MICAL3: variants seen among roughly 807,000 people sequenced by gnomAD.
MICAL3 encodes the protein [F-actin]-monooxygenase MICAL3.
A neutral mutation model predicts 207.4 loss-of-function variants in MICAL3; 62 were observed. The observed-to-expected ratio is 0.30, with a 90% confidence interval of 0.24 to 0.37. The LOEUF (loss-of-function observed/expected upper bound fraction) is 0.37, where lower values mean the gene tolerates loss of function less well. MICAL3 is among the 10% of genes least tolerant of loss of function. The pLI is 1.00. For missense variants in MICAL3, 2,368 were observed against 2,635.6 expected (o/e 0.90, Z 2.22); for synonymous variants, 1,077 against 1,069.3 (o/e 1.01, Z -0.14).
chr22:18,013,004 G>A (rs1420666124), intron 1 of MICAL3, among the ~76,000 whole-genome samples: 1 of 152,178 alleles, frequency 6.6e-6, no homozygotes, highest in Non-Finnish European at 1.5e-5. Context: ...GCATGGGGAT[G>A]GAGGCACCTT....
intron 22 of MICAL3, chr22:17,826,368 C>A: frequency 1.3e-6 from 1 of 776,466 alleles, no homozygotes; most frequent in Non-Finnish European, 1.6e-6. Context: ...TTGCAACAGG[C>A]CCAGGAGTCT....
intron 1 of MICAL3, among the ~76,000 whole-genome samples, chr22:17,927,738 G>A (rs149444688): frequency 6.6e-6 from 1 of 152,196 alleles, no homozygotes; most frequent in East Asian, 1.9e-4. Context: ...AGTCTTCTCT[G>A]AACTAAGGCA....
intron 1 of MICAL3, among the ~76,000 whole-genome samples, chr22:17,984,839 G>C (rs997200579): frequency 5.6e-4 from 85 of 152,296 alleles, no homozygotes; most frequent in African/African-American, 1.9e-3. Flanking sequence ...CAAGGCAAAG[G>C]GGTTAAATAA....
rs146349388 is a variant in MICAL3 at position 17,835,774 on chromosome 22, C to T, written c.2802-3667G>A. On this transcript the variant is annotated intron_variant, in intron 20 of 31. Transcript: ENST00000441493. ...GGATCTGTTTTGGCACTGGTGACAA[C>T]GCACTGTCCTGTGAGATTGCTTGAT... Among the ~76,000 whole-genome samples the T allele has an allele frequency of 1.2e-3, 182 of 152,342 alleles. 1 individual carries two copies. Among genetic ancestry groups the T allele is most frequent in the African/African-American group, 3.6e-3 (149 of 41,582 alleles).
intron 21 of MICAL3, 64 bp from the exon 22 acceptor site, chr22:17,827,845 GA>G: frequency 6.7e-7 from 1 of 1,486,552 alleles, no homozygotes. Context: ...AATAGCATGG[GA>G]AAGGAAACAG....
chr22:17,880,224 T>C (rs1412619636), intron 16 of MICAL3, among the ~76,000 whole-genome samples: 1 of 152,170 alleles, frequency 6.6e-6, no homozygotes, highest in East Asian at 1.9e-4. Context: ...TTGCTTACTA[T>C]GCGGCTCAGA....
At chr22:17,956,142 G>A (rs1934603401) in intron 1 of MICAL3, among the ~76,000 whole-genome samples, 1 of 152,292 alleles carries the variant, frequency 6.6e-6, no homozygotes, top group African/African-American at 2.4e-5. Flanking sequence ...GTCTCATGCC[G>A]ACATCCACAC....
At chr22:17,889,742 G>C (rs972248572) in intron 12 of MICAL3, among the ~76,000 whole-genome samples, 1 of 152,206 alleles carries the variant, frequency 6.6e-6, no homozygotes, top group African/African-American at 2.4e-5. Context: ...GCAAGTTCAA[G>C]GTTGCAATGA....
At chr22:17,934,597 G>A (rs544724659) in intron 1 of MICAL3, among the ~76,000 whole-genome samples, 1 of 152,330 alleles carries the variant, frequency 6.6e-6, no homozygotes, top group Admixed American at 6.5e-5. Flanking sequence ...AGTGTTGGAA[G>A]TTCTGGACAG....
At chr22:17,858,476 A>G in intron 19 of MICAL3, 1 of 985,286 alleles carries the variant, frequency 1.0e-6, no homozygotes, top group Non-Finnish European at 1.2e-6. Context: ...ACTTCTCCTG[A>G]AATCTCTGCC....
chr22:17,871,398 C>T (rs902401162), intron 17 of MICAL3, among the ~76,000 whole-genome samples: 1 of 152,192 alleles, frequency 6.6e-6, no homozygotes, highest in African/African-American at 2.4e-5. Context: ...CAGACATCTC[C>T]AAGAGCAAAG....
At chr22:17,806,339 C>T (rs1003347903) in intron 29 of MICAL3, among the ~76,000 whole-genome samples, 5 of 151,710 alleles carry the variant, frequency 3.3e-5, no homozygotes, top group Admixed American at 6.6e-5. Context: ...CGTTTTGCTG[C>T]GGTATTACAG....
chr22:17,821,349 C>T, intron 25 of MICAL3, 78 bp downstream of exon 25: 2 of 1,304,122 alleles, frequency 1.5e-6, no homozygotes, highest in African/African-American at 1.5e-5. Flanking sequence ...CACCATGGGC[C>T]CTGAAACAGA....
At chr22:17,991,857 TG>T (rs1410176602) in intron 1 of MICAL3, among the ~76,000 whole-genome samples, 2 of 151,960 alleles carry the variant, frequency 1.3e-5, no homozygotes, top group Non-Finnish European at 2.9e-5. Flanking sequence ...GATGGAGGAA[TG>T]GGGGGCTCGC....
chr22:17,797,161 G>A (rs1023611164), intron 29 of MICAL3, among the ~76,000 whole-genome samples: 1 of 152,208 alleles, frequency 6.6e-6, no homozygotes, highest in Non-Finnish European at 1.5e-5. Flanking sequence ...CCCTGAGACT[G>A]GGGAGCAGAG....
chr22:17,830,206 G>A (rs561869678), intron 21 of MICAL3, among the ~76,000 whole-genome samples: 1 of 152,126 alleles, frequency 6.6e-6, no homozygotes, highest in South Asian at 2.1e-4. Context: ...CCCACAGCGC[G>A]ATCAAGCAGG....
chr22:17,806,954 C>A (rs1372882387), intron 29 of MICAL3, among the ~76,000 whole-genome samples: 1 of 152,236 alleles, frequency 6.6e-6, no homozygotes, highest in East Asian at 1.9e-4. Context: ...CACTGTTTTA[C>A]ACTCAGACTT....
intron 1 of MICAL3, among the ~76,000 whole-genome samples, chr22:18,000,029 C>T (rs752520221): frequency 4.5e-4 from 68 of 152,194 alleles, no homozygotes; most frequent in Non-Finnish European, 8.5e-4. Flanking sequence ...ATGAACTGGC[C>T]TGTGTGCGGC....
intron 1 of MICAL3, among the ~76,000 whole-genome samples, chr22:18,023,536 G>A (rs1183087571): frequency 6.6e-6 from 1 of 152,246 alleles, no homozygotes; most frequent in Non-Finnish European, 1.5e-5. Flanking sequence ...GCACGGAGAG[G>A]ACTTGACACA....
Sources: allele counts gnomAD v4.1 joint callset (sites outside exome capture counted in the v4.1 genomes callset), GRCh38; gene constraint gnomAD v4.1.1; transcripts MANE v1.5; gene names NCBI Gene and HGNC (gene_info 2026-07-23, HGNC 2026-07-21).